SBF2: variants seen among roughly 807,000 people sequenced by gnomAD.
The protein encoded by SBF2 is myotubularin-related protein 13.
A neutral mutation model predicts 225.2 loss-of-function variants in SBF2; 112 were observed. That is an observed-to-expected ratio of 0.50 (90% CI 0.43 to 0.58). SBF2 has a LOEUF of 0.58. Among genes scored for constraint, SBF2 ranks in the 20% least tolerant of loss-of-function variants. The pLI, the probability that SBF2 is intolerant of heterozygous loss-of-function variation, is 0.00. For missense variants in SBF2, 1,996 were observed against 2,206.2 expected (o/e 0.90, Z 1.91); for synonymous variants, 763 against 773.3 (o/e 0.99, Z 0.22).
chr11:10,105,241 C>G (rs1952498371), intron 2 of SBF2, among the ~76,000 whole-genome samples: 1 of 152,088 alleles, frequency 6.6e-6, no homozygotes, highest in African/African-American at 2.4e-5. Context: ...ATCTGACCTG[C>G]AAAAGCCAGT....
chr11:9,860,141 T>C (rs973780239), intron 17 of SBF2, among the ~76,000 whole-genome samples: 4 of 152,222 alleles, frequency 2.6e-5, no homozygotes, highest in African/African-American at 4.8e-5. Context: ...GCTCCTTCTA[T>C]ACTCTGCATG....
At chr11:9,881,132 G>A (rs917322818) in intron 17 of SBF2, among the ~76,000 whole-genome samples, 1 of 152,126 alleles carries the variant, frequency 6.6e-6, no homozygotes, top group East Asian at 1.9e-4. Context: ...TTTGGATATA[G>A]AATCTCATTT....
intron 2 of SBF2, among the ~76,000 whole-genome samples, chr11:10,089,319 G>A (rs921508014): frequency 1.3e-5 from 2 of 152,126 alleles, no homozygotes; most frequent in African/African-American, 2.4e-5. Context: ...TATGCAGCCC[G>A]TCATTGACTG....
chr11:10,069,794 T>C (rs1950791159), intron 2 of SBF2, among the ~76,000 whole-genome samples: 1 of 152,216 alleles, frequency 6.6e-6, no homozygotes, highest in South Asian at 2.1e-4. Context: ...AAAGCATTCC[T>C]ATTTCTCCAC....
chr11:9,840,268 C>A (rs112005200), intron 25 of SBF2, among the ~76,000 whole-genome samples: 2,362 of 122,402 alleles, frequency 0.019, 55 homozygotes, highest in African/African-American at 0.051. Flanking sequence ...AAAAAAAAAA[C>A]AAACCCGCTA....
intron 1 of SBF2, among the ~76,000 whole-genome samples, chr11:10,225,607 C>A (rs948111463): frequency 1.3e-5 from 2 of 152,060 alleles, no homozygotes; most frequent in Non-Finnish European, 2.9e-5. Flanking sequence ...AGATGACACA[C>A]CATTTTCAAA....
intron 1 of SBF2, among the ~76,000 whole-genome samples, chr11:10,287,391 C>T (rs1000323380): frequency 6.6e-6 from 1 of 152,170 alleles, no homozygotes; most frequent in African/African-American, 2.4e-5. Context: ...AAGCAGTCCT[C>T]CCATCTTAGC....
At chr11:10,207,952 A>G (rs1479884570) in intron 1 of SBF2, among the ~76,000 whole-genome samples, 1 of 152,154 alleles carries the variant, frequency 6.6e-6, no homozygotes, top group Admixed American at 6.5e-5. Flanking sequence ...TAAAGCTATC[A>G]ACAGTAATTA....
chr11:10,237,067 C>T (rs1188097016), intron 1 of SBF2, among the ~76,000 whole-genome samples: 2 of 152,140 alleles, frequency 1.3e-5, no homozygotes, highest in East Asian at 3.8e-4. Flanking sequence ...TACTGACAGG[C>T]ACAAAGGAAT....
At chr11:10,027,547 G>T (rs186460267) in intron 6 of SBF2, among the ~76,000 whole-genome samples, 32 of 152,144 alleles carry the variant, frequency 2.1e-4, no homozygotes, top group Non-Finnish European at 3.7e-4. Context: ...TGGACCTTAG[G>T]GAAGGGAAGA....
At chr11:9,919,353 C>T (rs1418505821) in intron 16 of SBF2, among the ~76,000 whole-genome samples, 1 of 151,282 alleles carries the variant, frequency 6.6e-6, no homozygotes, top group Non-Finnish European at 1.5e-5. Context: ...GTAGGACGAG[C>T]CACAGACAAA....
chr11:10,125,810 A>C (rs1443570183), intron 2 of SBF2, among the ~76,000 whole-genome samples: 1 of 152,186 alleles, frequency 6.6e-6, no homozygotes, highest in Non-Finnish European at 1.5e-5. Flanking sequence ...GCTCTGTGAT[A>C]ATTTCTCAGT....
At chr11:10,155,990 C>T (rs566285302) in intron 2 of SBF2, among the ~76,000 whole-genome samples, 9 of 152,282 alleles carry the variant, frequency 5.9e-5, no homozygotes, top group African/African-American at 2.2e-4. Context: ...AGGTGGGAGC[C>T]CCGCCCCCTA....
chr11:9,989,337 T>G (rs910813035), intron 13 of SBF2, among the ~76,000 whole-genome samples, 160 bp downstream of exon 13: 1 of 152,026 alleles, frequency 6.6e-6, no homozygotes. Context: ...ACAAATATGG[T>G]GCAGTATATA....
chr11:10,183,855 G>A (rs1253287137), intron 2 of SBF2, among the ~76,000 whole-genome samples: 3 of 152,208 alleles, frequency 2.0e-5, no homozygotes, highest in Admixed American at 1.3e-4. Flanking sequence ...GGGAGGGAAG[G>A]AAAGGAAGAG....
chr11:10,185,117 G>GGT (rs1491049529), intron 2 of SBF2, among the ~76,000 whole-genome samples: 1 of 151,276 alleles, frequency 6.6e-6, no homozygotes, highest in Non-Finnish European at 1.5e-5. Flanking sequence ...TCTGGGGGGG[G>GGT]GTGTGTGTGT....
In SBF2 at chr11:10,037,763, G is replaced by A. The variant is rs749325356; in HGVS notation, c.279+5081C>T. 5.9e-5 allele frequency among the ~76,000 whole-genome samples: 9 copies of A among 151,660 alleles called. No individual in the cohort carries two copies. In the South Asian group the frequency reaches 1.3e-3, roughly 21 times the overall value. On this transcript the variant is annotated intron_variant, in intron 3 of 39. Coordinates refer to ENST00000256190, the MANE Select transcript of SBF2 (RefSeq NM_030962.4). ...AGCATAGTTTACTATGATAAAGAGC[G>A]GGATGGTGGGGGTGGGGGAGTACCA...
chr11:10,221,403 C>T (rs896620849), intron 1 of SBF2, among the ~76,000 whole-genome samples: 10 of 152,186 alleles, frequency 6.6e-5, no homozygotes, highest in African/African-American at 2.4e-4. Context: ...CAGGCATGAG[C>T]CACTGTGCCC....
chr11:9,858,410 C>T lies in SBF2; in HGVS notation c.1930-14G>A. ...AGGGGCAAGTTTCTGTGAGAACACA[C>T]AAAATACATCATCATGGGGCTGGCA... On this transcript the variant is annotated splice_polypyrimidine_tract_variant and intron_variant, in intron 17 of 39. Coordinates refer to ENST00000256190, the MANE Select transcript of SBF2 (RefSeq NM_030962.4). 1 of 1,613,856 alleles carries T rather than the reference C, an allele frequency of 6.2e-7. No individual in the cohort carries two copies. Among genetic ancestry groups the T allele is most frequent in the Non-Finnish European group, 8.5e-7 (1 of 1,179,780 alleles).
Sources: gnomAD v4.1 joint callset for allele counts (sites outside exome capture counted in the v4.1 genomes callset) on GRCh38, gnomAD v4.1.1 for gene constraint, MANE v1.5 for transcripts, NCBI Gene and HGNC (gene_info 2026-07-23, HGNC 2026-07-21) for gene names.